The following DMXL2 variants were observed in gnomAD, a reference collection of about 807,000 sequenced individuals.
The protein encoded by DMXL2 is Dmx like 2, also known as dmX-like protein 2.
DMXL2 carries 103 observed loss-of-function variants against 331.1 expected under a neutral mutation model. The observed-to-expected ratio is 0.31, with a 90% CI of 0.27 to 0.37. DMXL2 has a LOEUF of 0.37. DMXL2 is among the 10% of genes least tolerant of loss of function. The probability of loss-of-function intolerance (pLI) is 1.00; values close to 1 mark genes in which losing one functional copy is unlikely to be tolerated. For missense variants in DMXL2, 3,171 were observed against 3,642.9 expected, an observed-to-expected ratio of 0.87 and a Z score of 3.33; for synonymous variants, 1,281 against 1,252.1, an observed-to-expected ratio of 1.02 and a Z score of -0.49.
At chr15:51,595,570 T>C (rs1180010254) in intron 1 of DMXL2, among the ~76,000 whole-genome samples, 2 of 152,206 alleles carry the variant, frequency 1.3e-5, no homozygotes, top group Non-Finnish European at 2.9e-5. Flanking sequence ...AAAAAACTAC[T>C]TTAAAGTTCA....
At chr15:51,611,958 C>T (rs532560320) in intron 1 of DMXL2, among the ~76,000 whole-genome samples, 17 of 152,334 alleles carry the variant, frequency 1.1e-4, no homozygotes, top group Admixed American at 2.6e-4. Context: ...GCAACCCGCT[C>T]GGGTCCCCTT....
intron 13 of DMXL2, among the ~76,000 whole-genome samples, chr15:51,531,044 A>T (rs551835118): frequency 1.7e-4 from 26 of 152,214 alleles, no homozygotes; most frequent in Non-Finnish European, 3.1e-4. Context: ...TAAAATTCAT[A>T]TGGAACCACA....
At chr15:51,572,207 C>G (rs2050716837) in intron 2 of DMXL2, among the ~76,000 whole-genome samples, 1 of 144,514 alleles carries the variant, frequency 6.9e-6, no homozygotes, top group Non-Finnish European at 1.5e-5. Flanking sequence ...AATTCCTGGA[C>G]ACATACACCC....
chr15:51,486,403 A>G, intron 22 of DMXL2, 66 bp from the exon 23 acceptor site: 3 of 1,208,058 alleles, frequency 2.5e-6, no homozygotes, highest in Non-Finnish European at 3.5e-6. Flanking sequence ...GAAATATCCC[A>G]TCAATACCCT....
chr15:51,615,019 C>T (rs573831017), intron 1 of DMXL2, among the ~76,000 whole-genome samples: 15 of 152,154 alleles, frequency 9.9e-5, no homozygotes, highest in East Asian at 1.9e-4. Context: ...AGATTCTGGA[C>T]GCATTTTGAA....
rs748853783 is a variant in DMXL2 at position 51,502,960 on chromosome 15, T to C, written c.2838A>G (p.Pro946=). 2.5e-6 allele frequency: 4 copies of C among 1,614,076 alleles called. No homozygotes were observed. The highest frequency in any genetic ancestry group is 3.4e-6 in the Non-Finnish European group (4 of 1,179,908). Residue 946 remains proline, a synonymous_variant, in exon 17 of 44, where the codon CCA becomes CCG. Coordinates refer to ENST00000560891, the MANE Select transcript of DMXL2 (RefSeq NM_001378457.1). ...VPGQKNVDSS[P]ETSPSVSPMP... is the part of the protein sequence containing the mutation. ...TGGGGCTCACACTAGGAGAGGTTTC[T>C]GGAGAAGAATCTACGTTCTTCTGTC...
At chr15:51,620,536 C>T (rs369084109) in intron 1 of DMXL2, among the ~76,000 whole-genome samples, 3 of 152,264 alleles carry the variant, frequency 2.0e-5, no homozygotes, top group African/African-American at 7.2e-5. Flanking sequence ...CCTAACACAG[C>T]TATTAAAAAC....
In DMXL2 at chr15:51,601,290, C is replaced by CA. The variant is rs200188441; in HGVS notation, c.87+21168dup. ...TGGGTGACAAAGCAAGACTCCATCT[C>CA]AAAAAAAAAAAAAAAAATTTGATGT... On this transcript the variant is annotated intron_variant, in intron 1 of 43. Coordinates refer to ENST00000560891, the MANE Select transcript of DMXL2 (RefSeq NM_001378457.1). Among the ~76,000 whole-genome samples the CA allele has an allele frequency of 1.6e-3, 158 of 96,568 alleles. 1 individual carries two copies. The highest frequency in any genetic ancestry group is 2.4e-3 in the African/African-American group (61 of 25,080). The allele number at this position is 96,568 out of a possible 152,430, so 63.4% of individuals were successfully genotyped here.
chr15:51,594,510 C>T (rs10438318), intron 1 of DMXL2, among the ~76,000 whole-genome samples: 72,830 of 151,826 alleles, frequency 0.48, 17,832 homozygotes, highest in Non-Finnish European at 0.52. Flanking sequence ...TACCATTCCT[C>T]CTGAAACTAT....
chr15:51,568,407 T>C (rs1207324767), intron 3 of DMXL2, 80 bp downstream of exon 3: 7 of 946,766 alleles, frequency 7.4e-6, no homozygotes, highest in Non-Finnish European at 1.1e-5. Flanking sequence ...CACTAGCTCC[T>C]AAGGAGCTTT....
intron 19 of DMXL2, among the ~76,000 whole-genome samples, chr15:51,494,752 G>C (rs1236437452): frequency 6.6e-6 from 1 of 152,112 alleles, no homozygotes; most frequent in Non-Finnish European, 1.5e-5. Flanking sequence ...GCCACTTTGG[G>C]TTACAACCTC....
At chr15:51,522,957 C>T (rs1367404012) in intron 13 of DMXL2, among the ~76,000 whole-genome samples, 1 of 152,182 alleles carries the variant, frequency 6.6e-6, no homozygotes, top group Non-Finnish European at 1.5e-5. Flanking sequence ...CAGTACCTAC[C>T]AATTCTACTC....
intron 1 of DMXL2, among the ~76,000 whole-genome samples, chr15:51,596,236 C>G (rs953574981): frequency 1.3e-5 from 2 of 152,134 alleles, no homozygotes; most frequent in African/African-American, 4.8e-5. Flanking sequence ...AAAAAACAAA[C>G]AGCCCCATCA....
At chr15:51,573,225 G>T (rs954036370) in intron 2 of DMXL2, among the ~76,000 whole-genome samples, 2 of 152,212 alleles carry the variant, frequency 1.3e-5, no homozygotes, top group African/African-American at 4.8e-5. Context: ...GGAGAAATAG[G>T]AACGCTTTTA....
At position 51,536,661 on chromosome 15, in the gene DMXL2, C is replaced by A. The variant is rs764812910; in HGVS notation, c.1819G>T (p.Ala607Ser). ...RSHSTHMNILAPTVMMISKHI... is the reference protein window; with the variant it reads ...RSHSTHMNILSPTVMMISKHI... Reference sequence around the variant, plus strand: ...TTAGAGATCATCATTACTGTGGGAGCTAAGATGTTCATATGTGTACTGTGG... The same window carrying A: ...TTAGAGATCATCATTACTGTGGGAGATAAGATGTTCATATGTGTACTGTGG... The change falls in exon 12 of 44, where the codon GCT (alanine) becomes TCT (serine). Residue 607 changes from alanine (A) to serine (S), a missense_variant. By Grantham distance (99) the Ala-to-Ser change is moderately conservative. Coordinates refer to ENST00000560891, the MANE Select transcript of DMXL2 (RefSeq NM_001378457.1). The A allele has an allele frequency of 1.2e-6, 2 of 1,613,944 alleles. No homozygotes were observed. The highest frequency in any genetic ancestry group is 1.7e-6 in the Non-Finnish European group (2 of 1,179,998).
intron 1 of DMXL2, among the ~76,000 whole-genome samples, chr15:51,605,188 GA>G (rs530085781): frequency 1.3e-5 from 2 of 151,930 alleles, no homozygotes; most frequent in Admixed American, 6.6e-5. Flanking sequence ...TACAACGGGG[GA>G]AAAAAACATA....
At chr15:51,619,459 C>G (rs1453466449) in intron 1 of DMXL2, among the ~76,000 whole-genome samples, 1 of 152,202 alleles carries the variant, frequency 6.6e-6, no homozygotes, top group African/African-American at 2.4e-5. Flanking sequence ...ACCACTAAAA[C>G]CACAGACATC....
intron 41 of DMXL2, among the ~76,000 whole-genome samples, chr15:51,453,068 T>C (rs1010642127): frequency 9.9e-5 from 15 of 151,488 alleles, no homozygotes; most frequent in African/African-American, 3.6e-4. Context: ...TGATATATAA[T>C]GGACTCTGGG....
chr15:51,450,094 T>C, intron 43 of DMXL2, 35 bp downstream of exon 43: 1 of 1,588,716 alleles, frequency 6.3e-7, no homozygotes, highest in Non-Finnish European at 8.6e-7. Context: ...TTCCAATCAG[T>C]CTTTAGCACA....
Sources: allele counts gnomAD v4.1 joint callset (sites outside exome capture counted in the v4.1 genomes callset), GRCh38; gene constraint gnomAD v4.1.1; transcripts MANE v1.5; gene names NCBI Gene and HGNC (gene_info 2026-07-23, HGNC 2026-07-21).